TRPM3: variants seen among roughly 807,000 people sequenced by gnomAD.
TRPM3 encodes the protein long transient receptor potential channel 3.
TRPM3 carries 77 observed loss-of-function variants against 181.2 expected under a neutral mutation model. That is an observed-to-expected ratio of 0.42 (90% CI 0.35 to 0.51). The LOEUF is 0.51. TRPM3 is among the 20% of genes least tolerant of loss of function. The probability of loss-of-function intolerance (pLI) is 0.01; values close to 1 mark genes in which losing one functional copy is unlikely to be tolerated. For synonymous variants in TRPM3, 745 were observed against 796.4 expected (o/e 0.94, Z 1.09); for missense variants, 1,759 against 2,196.7 (o/e 0.80, Z 3.98).
chr9:70,566,740 A>C (rs747120090), intron 22 of TRPM3, among the ~76,000 whole-genome samples: 42 of 152,184 alleles, frequency 2.8e-4, no homozygotes, highest in Non-Finnish European at 3.5e-4. Flanking sequence ...AAGGCAGCTG[A>C]ATGTTGGTCC....
chr9:71,364,204 T>TA lies in TRPM3; in HGVS notation c.183+82448dup, dbSNP rs796163068. Among the ~76,000 whole-genome samples the TA allele has an allele frequency of 2.2e-3, 325 of 146,442 alleles. 1 individual carries two copies. Among genetic ancestry groups the TA allele is most frequent in the South Asian group, 0.011 (49 of 4,598 alleles). On this transcript the variant is annotated intron_variant, in intron 1 of 24. Transcript: ENST00000357533. Reference sequence around the variant, plus strand: ...ATAAAAAGAACTGGGCTCTCTCCTTTAAAAAAAAAAATCACTGTTATTCTC... The same window carrying TA: ...ATAAAAAGAACTGGGCTCTCTCCTTTAAAAAAAAAAAATCACTGTTATTCTC...
At chr9:70,751,405 C>G (rs2076112747) in intron 8 of TRPM3, among the ~76,000 whole-genome samples, 1 of 152,080 alleles carries the variant, frequency 6.6e-6, no homozygotes, top group African/African-American at 2.4e-5. Flanking sequence ...ATAAGCCTAA[C>G]AACATCATCT....
intron 3 of TRPM3, among the ~76,000 whole-genome samples, chr9:70,849,480 C>T (rs1235089130): frequency 6.6e-6 from 1 of 151,966 alleles, no homozygotes; most frequent in Non-Finnish European, 1.5e-5. Flanking sequence ...GGAAGCAGGA[C>T]TTATGTGATC....
intron 1 of TRPM3, among the ~76,000 whole-genome samples, chr9:70,903,081 TCC>T (rs1188174057): frequency 6.6e-6 from 1 of 152,196 alleles, no homozygotes; most frequent in Non-Finnish European, 1.5e-5. Flanking sequence ...CGGAACTCTT[TCC>T]CAGGAAGGAA....
intron 3 of TRPM3, among the ~76,000 whole-genome samples, chr9:70,852,431 G>A (rs969381863): frequency 6.6e-6 from 1 of 152,046 alleles, no homozygotes; most frequent in Admixed American, 6.6e-5. Context: ...GGTGTAAATG[G>A]CTCTGTGTCT....
intron 1 of TRPM3, among the ~76,000 whole-genome samples, chr9:71,284,495 C>T (rs958454191): frequency 2.6e-5 from 4 of 152,204 alleles, no homozygotes; most frequent in African/African-American, 9.7e-5. Context: ...CAGGTTGTCT[C>T]TCAGCTCGCC....
chr9:70,584,636 CACA>C (rs1431448425), intron 22 of TRPM3, among the ~76,000 whole-genome samples: 1 of 152,188 alleles, frequency 6.6e-6, no homozygotes, highest in Non-Finnish European at 1.5e-5. Flanking sequence ...ATTGCCTGAC[CACA>C]ACATCGTATA....
intron 8 of TRPM3, among the ~76,000 whole-genome samples, chr9:70,690,443 A>G (rs181010898): frequency 6.6e-6 from 1 of 152,298 alleles, no homozygotes; most frequent in Admixed American, 6.5e-5. Context: ...GTTTTTTCAT[A>G]GAATCTGGCA....
intron 22 of TRPM3, among the ~76,000 whole-genome samples, chr9:70,572,277 CAG>C (rs1170684096): frequency 1.3e-5 from 2 of 152,174 alleles, no homozygotes; most frequent in East Asian, 1.9e-4. Context: ...AGAAAGGTTG[CAG>C]AGTTAGTACA....
chr9:70,700,804 A>G (rs113967199), intron 8 of TRPM3, among the ~76,000 whole-genome samples: 1 of 152,224 alleles, frequency 6.6e-6, no homozygotes, highest in Non-Finnish European at 1.5e-5. Flanking sequence ...ACGTGCACAC[A>G]TGTATGTACA....
chr9:71,134,014 T>TCAC (rs2074581630), intron 1 of TRPM3, among the ~76,000 whole-genome samples: 2 of 139,950 alleles, frequency 1.4e-5, no homozygotes, highest in African/African-American at 2.6e-5. Flanking sequence ...TGTGTGTGTG[T>TCAC]GCGCGTGCGC....
At chr9:71,230,209 G>A (rs571033607) in intron 1 of TRPM3, among the ~76,000 whole-genome samples, 127 of 152,162 alleles carry the variant, frequency 8.3e-4, no homozygotes, top group African/African-American at 2.9e-3. Context: ...AAATAAGCCA[G>A]GCAAAGAAAG....
At chr9:70,561,412 G>A (rs750244769) in intron 22 of TRPM3, among the ~76,000 whole-genome samples, 2 of 152,134 alleles carry the variant, frequency 1.3e-5, no homozygotes, top group East Asian at 1.9e-4. Flanking sequence ...CATCTTTCTA[G>A]AAGTTTCCTT....
chr9:70,592,025 G>T (rs2058199244), intron 21 of TRPM3, among the ~76,000 whole-genome samples: 1 of 152,106 alleles, frequency 6.6e-6, no homozygotes, highest in Admixed American at 6.5e-5. Context: ...GTTATCTCTT[G>T]TTCCTCATTC....
At chr9:71,407,196 G>C (rs2093452213) in intron 1 of TRPM3, among the ~76,000 whole-genome samples, 2 of 152,114 alleles carry the variant, frequency 1.3e-5, no homozygotes, top group Admixed American at 6.5e-5. Context: ...ATTTCCAACT[G>C]AGGTACCGGG....
At chr9:70,926,399 A>AT (rs1377461446) in intron 1 of TRPM3, among the ~76,000 whole-genome samples, 2 of 152,228 alleles carry the variant, frequency 1.3e-5, no homozygotes, top group African/African-American at 4.8e-5. Flanking sequence ...ATACTAATGC[A>AT]TGAACCCTTT....
chr9:71,114,720 T>C (rs2071918227), intron 1 of TRPM3, among the ~76,000 whole-genome samples: 1 of 152,110 alleles, frequency 6.6e-6, no homozygotes, highest in Non-Finnish European at 1.5e-5. Context: ...TCACATACCT[T>C]GGAATCTAAG....
chr9:71,138,272 C>T (rs1380369002), intron 1 of TRPM3, among the ~76,000 whole-genome samples: 2 of 152,172 alleles, frequency 1.3e-5, no homozygotes, highest in African/African-American at 2.4e-5. Flanking sequence ...ACTTTCTACA[C>T]TCAACTTTCC....
At chr9:71,237,070 A>T (rs1340775587) in intron 1 of TRPM3, among the ~76,000 whole-genome samples, 5 of 129,942 alleles carry the variant, frequency 3.8e-5, no homozygotes, top group Admixed American at 3.8e-4. Flanking sequence ...AGGGGGGGGG[A>T]AAAAAAGAAA....
Sources: gnomAD v4.1 joint callset for allele counts (sites outside exome capture counted in the v4.1 genomes callset) on GRCh38, gnomAD v4.1.1 for gene constraint, MANE v1.5 for transcripts, NCBI Gene and HGNC (gene_info 2026-07-23, HGNC 2026-07-21) for gene names.